Variants in QTRT2 observed in about 807,000 individuals in gnomAD.
QTRT2 encodes queuine tRNA-ribosyltransferase domain containing 1.
In QTRT2, 32 loss-of-function variants were observed where a neutral mutation model predicts 44.8. The ratio of observed to expected loss-of-function variants is 0.71; its 90% CI spans 0.54 to 0.96. The LOEUF is 0.96. QTRT2 is among the 40% of genes least tolerant of loss of function. The probability of loss-of-function intolerance (pLI) is 0.00; values close to 1 mark genes in which losing one functional copy is unlikely to be tolerated. For synonymous variants in QTRT2, 182 were observed against 187.4 expected (o/e 0.97, Z 0.24); for missense variants, 461 against 503.1 (o/e 0.92, Z 0.80).
At chr3:114,061,831 G>A (rs766771570) in intron 2 of QTRT2, among the ~76,000 whole-genome samples, 99 of 152,058 alleles carry the variant, frequency 6.5e-4, no homozygotes, top group Admixed American at 2.5e-3. Flanking sequence ...GCCCACCTTG[G>A]CCTCCCAAAC....
At chr3:114,076,976 A>G in intron 7 of QTRT2, 34 bp downstream of exon 7, 1 of 1,592,908 alleles carries the variant, frequency 6.3e-7, no homozygotes, top group South Asian at 1.1e-5. Context: ...GCTGGCCTCA[A>G]GGGATGCAGG....
chr3:114,072,644 C>G (rs2077038567), intron 6 of QTRT2, among the ~76,000 whole-genome samples: 1 of 152,200 alleles, frequency 6.6e-6, no homozygotes, highest in Admixed American at 6.5e-5. Flanking sequence ...CTGTCTTATT[C>G]ACTGGTTCCT....
rs369515703 is a variant in QTRT2, at chr3:114,062,912, T to C, written c.-21-2325T>C. ...TGTGTGTACATTTAAACTCTTTACA[T>C]ACTTTACACAGCTCAGATGAGAGAG... is the stretch of plus-strand genomic sequence containing the variant. On this transcript the variant is annotated intron_variant, in intron 2 of 9. Coordinates refer to ENST00000281273, the MANE Select transcript of QTRT2 (RefSeq NM_024638.4). Among the ~76,000 whole-genome samples the C allele has an allele frequency of 2.6e-5, 4 of 152,360 alleles. No homozygotes were observed. The South Asian group carries it at 8.3e-4, about 32-fold the overall frequency.
chr3:114,067,939 CATT>C, intron 4 of QTRT2, 45 bp from the exon 5 acceptor site: 1 of 1,532,136 alleles, frequency 6.5e-7, no homozygotes, highest in Non-Finnish European at 9.0e-7. Flanking sequence ...AATACAGTGT[CATT>C]GTTGATGTAA....
chr3:114,076,964 A>G (rs369962144), intron 7 of QTRT2, 22 bp downstream of exon 7: 1 of 1,609,170 alleles, frequency 6.2e-7, no homozygotes. Flanking sequence ...GTTAGGACAC[A>G]GGCTGGCCTC....
At chr3:114,066,533 G>A (rs1048107883) in intron 4 of QTRT2, 3 of 465,330 alleles carry the variant, frequency 6.4e-6, no homozygotes, top group African/African-American at 5.9e-5. Context: ...CTGCTTTACA[G>A]GATTAGGGAT....
chr3:114,075,812 T>C (rs1004427315), intron 6 of QTRT2, among the ~76,000 whole-genome samples: 3 of 152,180 alleles, frequency 2.0e-5, no homozygotes, highest in African/African-American at 7.2e-5. Flanking sequence ...CAAGTTTTTG[T>C]ACTCAAACTT....
chr3:114,085,153 G>T (rs745908966), intron 9 of QTRT2, among the ~76,000 whole-genome samples: 1 of 152,138 alleles, frequency 6.6e-6, no homozygotes, highest in African/African-American at 2.4e-5. Context: ...CTCGGAGTTT[G>T]CATCAGTCAG....
chr3:114,087,219 A>G lies in QTRT2; in HGVS notation c.*1315A>G, dbSNP rs992756244. 1 of 152,172 alleles carries G rather than the reference A, an allele frequency of 6.6e-6. No individual in the cohort carries two copies. The highest frequency in any genetic ancestry group is 2.4e-5 in the African/African-American group (1 of 41,436). The allele number at this position is 152,172 out of a possible 1,614,324, so 9.4% of individuals were successfully genotyped here. A position where few individuals can be genotyped will look rare whatever the true frequency, so the allele number is the denominator to read the frequency against. ...AGAAATACATTTGTTTTATACTTCT[A>G]TGCTATATTTTGCTATTCAAAATTT... On this transcript the variant is annotated 3_prime_UTR_variant, in exon 10 of 10. Coordinates refer to ENST00000281273, the MANE Select transcript of QTRT2 (RefSeq NM_024638.4).
At chr3:114,065,782 C>G (rs1228350475) in intron 3 of QTRT2, among the ~76,000 whole-genome samples, 1 of 151,102 alleles carries the variant, frequency 6.6e-6, no homozygotes, top group Non-Finnish European at 1.5e-5. Context: ...CATGCACCAG[C>G]CTCAAAGTTT....
Position 114,066,104 on chromosome 3 carries a change from G to A in QTRT2, c.201-124G>A, listed in dbSNP as rs2076950456. ...TTAGTTAGAACTCTTGAATAATGGT[G>A]TAATTCAAGACAGCATTTACCATGA... On this transcript the variant is annotated intron_variant, in intron 3 of 9. Coordinates refer to ENST00000281273, the MANE Select transcript of QTRT2 (RefSeq NM_024638.4). The A allele has an allele frequency of 2.3e-5, 15 of 645,252 alleles. No homozygotes were observed. In the South Asian group the frequency reaches 2.6e-4, roughly 11 times the overall value. The allele number at this position is 645,252 out of a possible 1,614,324, so 40.0% of individuals were successfully genotyped here.
chr3:114,067,376 G>A (rs1484143060), intron 4 of QTRT2, among the ~76,000 whole-genome samples: 1 of 151,866 alleles, frequency 6.6e-6, no homozygotes, highest in Non-Finnish European at 1.5e-5. Flanking sequence ...ACGAAAATGT[G>A]GGCTAGCATA....
At chr3:114,071,488 C>T (rs1469948770) in intron 6 of QTRT2, among the ~76,000 whole-genome samples, 3 of 151,990 alleles carry the variant, frequency 2.0e-5, no homozygotes, top group South Asian at 2.1e-4. Flanking sequence ...TAGTAGAGAC[C>T]GGGTTTCACC....
At position 114,070,576 on chromosome 3, in the gene QTRT2, T is replaced by G. The variant is rs999720457; in HGVS notation, c.334-50T>G. 2.1e-6 allele frequency: 3 copies of G among 1,463,184 alleles called. No individual in the cohort carries two copies. The African/African-American group carries it at 4.2e-5, about 20-fold the overall frequency. The allele number at this position is 1,463,184 out of a possible 1,614,324, so 90.6% of individuals were successfully genotyped here. A position where few individuals can be genotyped will look rare whatever the true frequency, so the allele number is the denominator to read the frequency against. On this transcript the variant is annotated intron_variant, in intron 5 of 9. Transcript: ENST00000281273. The stretch of plus-strand genomic sequence containing the variant: ...CTTTATCATTTTAATTATTTTATTT[T>G]TATTTGCATTTTACTCTTGCTAATT...
At chr3:114,082,653 C>A in intron 8 of QTRT2, 24 bp from the exon 9 acceptor site, 5 of 913,836 alleles carry the variant, frequency 5.5e-6, no homozygotes, top group Non-Finnish European at 8.5e-6. Context: ...ATCATTCAAG[C>A]CTTTTTATTG....
chr3:114,059,470 A>G (rs2076854042), intron 2 of QTRT2, among the ~76,000 whole-genome samples: 1 of 152,254 alleles, frequency 6.6e-6, no homozygotes. Context: ...ATGTGTGTGT[A>G]CTATTTTATT....
intron 6 of QTRT2, among the ~76,000 whole-genome samples, chr3:114,072,962 G>T (rs139529735): frequency 9.6e-4 from 146 of 152,320 alleles, no homozygotes; most frequent in African/African-American, 3.2e-3. Context: ...TGTATGTGGA[G>T]TAATCCTGAG....
chr3:114,069,324 C>T (rs936593653), intron 5 of QTRT2, among the ~76,000 whole-genome samples: 1 of 151,794 alleles, frequency 6.6e-6, no homozygotes, highest in African/African-American at 2.4e-5. Flanking sequence ...GTTTGTTGTA[C>T]AGATTATTTC....
chr3:114,085,634 T>G (rs2077225467), intron 9 of QTRT2, 39 bp from the exon 10 acceptor site: 1 of 1,542,498 alleles, frequency 6.5e-7, no homozygotes, highest in South Asian at 1.1e-5. Flanking sequence ...TTTCTTGTAT[T>G]CCGTACTTTC....
Sources: allele counts gnomAD v4.1 joint callset (sites outside exome capture counted in the v4.1 genomes callset), GRCh38; gene constraint gnomAD v4.1.1; transcripts MANE v1.5; gene names NCBI Gene and HGNC (gene_info 2026-07-23, HGNC 2026-07-21).